The following ADRA1A variants were observed in gnomAD, a reference collection of about 807,000 sequenced individuals.
The protein encoded by ADRA1A is alpha-1A adrenergic receptor.
In ADRA1A, 31 loss-of-function variants were observed where a neutral mutation model predicts 29.6. That is an observed-to-expected ratio of 1.05 (90% confidence interval 0.79 to 1.41). ADRA1A has a LOEUF of 1.41. ADRA1A is among the 40% of genes most tolerant of loss of function. The pLI is 0.00. For missense variants in ADRA1A, 619 were observed against 601.1 expected (o/e 1.03, Z -0.31); for synonymous variants, 311 against 254.3 (o/e 1.22, Z -2.12).
Position 26,866,849 on chromosome 8 carries a change from A to G in ADRA1A, c.-687+87T>C. ...GTGGAAAAAGCGGGAGGCGCTGGGA[A>G]AAGTGGGGGTTCCGTCTCACCAGAC... On this transcript the variant is annotated intron_variant, in intron 1 of 2. Transcript: ENST00000380573. The surrounding 1 kb of genome is among the most constrained non-coding windows in gnomAD (Gnocchi z 5.7). The G allele has an allele frequency of 1.0e-6, 1 of 985,460 alleles. No homozygotes were observed. Among genetic ancestry groups the G allele is most frequent in the Non-Finnish European group, 1.2e-6 (1 of 829,990 alleles). The allele number at this position is 985,460 out of a possible 1,614,324, so 61.0% of individuals were successfully genotyped here. A position where few individuals can be genotyped will look rare whatever the true frequency, so the allele number is the denominator to read the frequency against.
At chr8:26,754,897 C>T (rs139750207), downstream of ADRA1A, among the ~76,000 whole-genome samples, 247 of 152,278 alleles carry the variant, frequency 1.6e-3, no homozygotes, top group African/African-American at 5.7e-3. Flanking sequence ...TTCAATGTAG[C>T]GTGAGCTGTG....
rs1421029843 is a variant in ADRA1A at position 26,806,522 on chromosome 8, C to CT, written c.884-35857dup. 6.6e-6 allele frequency among the ~76,000 whole-genome samples: 1 copy of CT among 152,204 alleles called. No individual in the cohort carries two copies. Among genetic ancestry groups the CT allele is most frequent in the Non-Finnish European group, 1.5e-5 (1 of 68,036 alleles). ...TAGAAACTCCAGTGTCCAGACTCCT[C>CT]TCCAGATGGTGTGGGAATCCAGATA... On this transcript the variant is annotated intron_variant, in intron 2 of 2. Transcript: ENST00000380573. This position sits in a 1 kb window ranked among gnomAD's most constrained non-coding sequence, Gnocchi z 4.6.
chr8:26,760,092 G>T (rs535778663), intron 2 of ADRA1A, among the ~76,000 whole-genome samples: 12 of 152,246 alleles, frequency 7.9e-5, no homozygotes, highest in Non-Finnish European at 1.6e-4. Flanking sequence ...GTACTATGCA[G>T]TTAGAACAGT....
chr8:26,861,943 C>G (rs1024527816), intron 2 of ADRA1A, among the ~76,000 whole-genome samples: 1 of 152,040 alleles, frequency 6.6e-6, no homozygotes, highest in Non-Finnish European at 1.5e-5. Flanking sequence ...TGCTCTTGCC[C>G]CCAAACAGCC....
At chr8:26,859,777 T>C (rs13258103) in intron 2 of ADRA1A, among the ~76,000 whole-genome samples, 11 of 145,934 alleles carry the variant, frequency 7.5e-5, no homozygotes, top group South Asian at 2.2e-4. Context: ...TTTTCTTTTT[T>C]TTTTTTTTTT....
chr8:26,815,623 G>A lies in ADRA1A; in HGVS notation c.884-44957C>T. 6.6e-6 allele frequency among the ~76,000 whole-genome samples: 1 copy of A among 152,150 alleles called. No individual in the cohort carries two copies. Among genetic ancestry groups the A allele is most frequent in the East Asian group, 1.9e-4 (1 of 5,200 alleles). ...GCCTTTAGTGAAAGGTAGATGACTA[G>A]GAACCTGATCAGTCTCAGCCTGGAT... is the stretch of plus-strand genomic sequence containing the variant. On this transcript the variant is annotated intron_variant, in intron 2 of 2. Transcript: ENST00000380573. This position sits in a 1 kb window ranked among gnomAD's most constrained non-coding sequence, Gnocchi z 4.2.
chr8:26,804,929 G>A (rs974092078), intron 2 of ADRA1A, among the ~76,000 whole-genome samples: 10 of 152,196 alleles, frequency 6.6e-5, no homozygotes, highest in African/African-American at 2.4e-4. Flanking sequence ...TGAGGGCAAT[G>A]AAGGATTTGC....
chr8:26,823,917 T>C lies in ADRA1A; in HGVS notation c.883+40170A>G, dbSNP rs977331102. On this transcript the variant is annotated intron_variant, in intron 2 of 2. Transcript: ENST00000380573. This position sits in a 1 kb window ranked among gnomAD's most constrained non-coding sequence, Gnocchi z 4.2. Reference sequence around the variant, plus strand: ...ATACTCCAAGCCTTTCTTTGGGTCTTTGTTCCACGCTATGTTACTCTGGGC... The same window carrying C: ...ATACTCCAAGCCTTTCTTTGGGTCTCTGTTCCACGCTATGTTACTCTGGGC... Among the ~76,000 whole-genome samples the C allele has an allele frequency of 6.6e-6, 1 of 152,210 alleles. No individual in the cohort carries two copies. Among genetic ancestry groups the C allele is most frequent in the African/African-American group, 2.4e-5 (1 of 41,466 alleles).
At chr8:26,850,025 C>CAAAAAAAAAAAAAAAAAAAAA (rs141672591) in intron 2 of ADRA1A, among the ~76,000 whole-genome samples, 2 of 121,548 alleles carry the variant, frequency 1.6e-5, no homozygotes, top group African/African-American at 6.4e-5. Flanking sequence ...GAGAGAAATG[C>CAAAAAAAAAAAAAAAAAAAAA]AAAAACAAAA....
chr8:26,755,041 G>A (rs1334909797), downstream of ADRA1A, among the ~76,000 whole-genome samples: 7 of 152,068 alleles, frequency 4.6e-5, no homozygotes, highest in Admixed American at 6.6e-5. Context: ...ACATCTTCTT[G>A]CTAAAAACAA....
intron 2 of ADRA1A, among the ~76,000 whole-genome samples, chr8:26,760,529 T>C (rs1250740010): frequency 1.3e-5 from 2 of 152,202 alleles, no homozygotes; most frequent in African/African-American, 4.8e-5. Flanking sequence ...GCACCCATTT[T>C]TCAAGCCAGT....
intron 2 of ADRA1A, among the ~76,000 whole-genome samples, chr8:26,813,278 C>T (rs4732897): frequency 0.77 from 116,750 of 152,132 alleles, 45,948 homozygotes; most frequent in East Asian, 0.96. Flanking sequence ...CAGTTAAAAT[C>T]ATTTTCAGTG....
chr8:26,780,826 A>G (rs1049221961), intron 2 of ADRA1A, among the ~76,000 whole-genome samples: 3 of 152,206 alleles, frequency 2.0e-5, no homozygotes, highest in African/African-American at 4.8e-5. Flanking sequence ...TGAACTGCAC[A>G]TGTCAGGGAT....
Position 26,866,836 on chromosome 8 carries a change from G to A in ADRA1A, c.-687+100C>T. 1 of 985,020 alleles carries A rather than the reference G, an allele frequency of 1.0e-6. No individual in the cohort carries two copies. The highest frequency in any genetic ancestry group is 1.2e-6 in the Non-Finnish European group (1 of 829,532). The allele number at this position is 985,020 out of a possible 1,614,324, so 61.0% of individuals were successfully genotyped here. A position where few individuals can be genotyped will look rare whatever the true frequency, so the allele number is the denominator to read the frequency against. The stretch of plus-strand genomic sequence containing the variant: ...GGTATAAAACCTGGTGGAAAAAGCG[G>A]GAGGCGCTGGGAAAAGTGGGGGTTC... On this transcript the variant is annotated intron_variant, in intron 1 of 2. Coordinates refer to ENST00000380573, the MANE Select transcript of ADRA1A (RefSeq NM_000680.4). This position sits in a 1 kb window ranked among gnomAD's most constrained non-coding sequence, Gnocchi z 5.7.
At chr8:26,779,069 G>T in intron 2 of ADRA1A, 1 of 381,060 alleles carries the variant, frequency 2.6e-6, no homozygotes, top group Non-Finnish European at 4.6e-6. Context: ...TTTATTTCAC[G>T]GTACATATCA....
chr8:26,850,239 T>G (rs373359012), intron 2 of ADRA1A, among the ~76,000 whole-genome samples: 3 of 152,086 alleles, frequency 2.0e-5, no homozygotes, highest in South Asian at 4.2e-4. Flanking sequence ...GAAAAAAATT[T>G]TATAAACATC....
chr8:26,852,395 A>T (rs1812704050), intron 2 of ADRA1A, among the ~76,000 whole-genome samples: 1 of 152,156 alleles, frequency 6.6e-6, no homozygotes, highest in Non-Finnish European at 1.5e-5. Context: ...AGATTACATT[A>T]ATGTACTGGG....
At chr8:26,752,838 A>C (rs1025328010), downstream of ADRA1A, among the ~76,000 whole-genome samples, 1 of 152,272 alleles carries the variant, frequency 6.6e-6, no homozygotes, top group Non-Finnish European at 1.5e-5. Flanking sequence ...AGTGCTAACT[A>C]TACGGCAGGC....
chr8:26,779,166 C>T, intron 2 of ADRA1A: 2 of 601,634 alleles, frequency 3.3e-6, no homozygotes, highest in Non-Finnish European at 5.9e-6. Flanking sequence ...TGGTAGGAGA[C>T]CAGGTTATCT....
Sources: allele counts gnomAD v4.1 joint callset (sites outside exome capture counted in the v4.1 genomes callset), GRCh38; gene constraint gnomAD v4.1.1; non-coding constraint Gnocchi (gnomAD v3.1); transcripts MANE v1.5; gene names NCBI Gene and HGNC (gene_info 2026-07-23, HGNC 2026-07-21).